The following RAI1 variants were observed in gnomAD, a reference collection of about 807,000 sequenced individuals.
The protein encoded by RAI1 is retinoic acid-induced protein 1.
Under a neutral mutation model 123.8 loss-of-function variants are expected in RAI1, and 9 were observed. The observed-to-expected ratio is 0.07, with a 90% CI of 0.04 to 0.13. RAI1 has a LOEUF of 0.13. Ranked by LOEUF, RAI1 falls within the 10% of genes least tolerant of loss-of-function variation. The probability of loss-of-function intolerance (pLI) is 1.00; values close to 1 mark genes in which losing one functional copy is unlikely to be tolerated. For synonymous variants in RAI1, 1,231 were observed against 1,127.3 expected (o/e 1.09, Z -1.84); for missense variants, 2,256 against 2,545.8 (o/e 0.89, Z 2.45).
At chr17:17,785,572 G>A (rs1200016945) in intron 2 of RAI1, among the ~76,000 whole-genome samples, 2 of 152,322 alleles carry the variant, frequency 1.3e-5, no homozygotes, top group Admixed American at 6.5e-5. Context: ...GGACCCAGGA[G>A]AGTTGGGGTG....
At chr17:17,730,342 A>G (rs1916228779) in intron 2 of RAI1, among the ~76,000 whole-genome samples, 1 of 152,236 alleles carries the variant, frequency 6.6e-6, no homozygotes, top group African/African-American at 2.4e-5. Flanking sequence ...TCATGTTTGC[A>G]TAATGCAGAG....
At chr17:17,779,216 AGTGGCTGGCTG>A (rs1305990909) in intron 2 of RAI1, 2 of 325,680 alleles carry the variant, frequency 6.1e-6, no homozygotes, top group Non-Finnish European at 6.0e-6. Flanking sequence ...CCTCTGGAGC[AGTGGCTGGCTG>A]GTGGCTGGCT....
At position 17,796,089 on chromosome 17, in the gene RAI1, G is replaced by T; in HGVS notation, c.3141G>T (p.Gly1047=). 6.3e-7 allele frequency: 1 copy of T among 1,580,728 alleles called. No individual in the cohort carries two copies. The highest frequency in any genetic ancestry group is 8.6e-7 in the Non-Finnish European group (1 of 1,163,580). Residue 1047 remains glycine (G), a synonymous_variant, in exon 3 of 6, where the codon GGG becomes GGT. Transcript: ENST00000353383. This position sits in a 1 kb window ranked among gnomAD's most constrained non-coding sequence, Gnocchi z 5.8. ...AAGGGGCTGGAGCCCCAGGCCGGGG[G>T]GCCTCGGAAGGGCTCCCCAGGATGT... ...QMEGAGAPGR[G]ASEGLPRMCT... is the part of the protein sequence containing the mutation.
Position 17,716,288 on chromosome 17 carries a change from G to A in RAI1, c.-148-7740G>A, listed in dbSNP as rs191141460. On this transcript the variant is annotated intron_variant, in intron 1 of 5. Coordinates refer to ENST00000353383, the MANE Select transcript of RAI1 (RefSeq NM_030665.4). The stretch of plus-strand genomic sequence containing the variant: ...AGATACCCATGAGCCCTGGGGCCAG[G>A]GAACAAAAGATGTGTGAAGGCAGGT... Among the ~76,000 whole-genome samples the A allele has an allele frequency of 1.8e-3, 268 of 152,318 alleles. 2 individuals carry two copies. The highest frequency in any genetic ancestry group is 6.2e-3 in the African/African-American group (257 of 41,560).
chr17:17,681,803 G>C lies in RAI1; in HGVS notation c.-149+10G>C. 1 of 298,726 alleles carries C rather than the reference G, an allele frequency of 3.3e-6. No homozygotes were observed. The highest frequency in any genetic ancestry group is 6.2e-6 in the Non-Finnish European group (1 of 161,460). 18.5% of individuals were successfully genotyped at this position (298,726 alleles called of 1,614,324 possible). A position where few individuals can be genotyped will look rare whatever the true frequency, so the allele number is the denominator to read the frequency against. On this transcript the variant is annotated intron_variant, in intron 1 of 5. Transcript: ENST00000353383. Reference sequence around the variant, plus strand: ...GAGCGCGGGCGCCGAGGTGAGCAGCGAGCGCCGGGGCGCGGGGGGCGCAGT... The same window carrying C: ...GAGCGCGGGCGCCGAGGTGAGCAGCCAGCGCCGGGGCGCGGGGGGCGCAGT...
chr17:17,759,685 G>A (rs967386138), intron 2 of RAI1, among the ~76,000 whole-genome samples: 1 of 152,212 alleles, frequency 6.6e-6, no homozygotes, highest in Non-Finnish European at 1.5e-5. Context: ...AGCCAGAGGG[G>A]ACCCAGCTGA....
At chr17:17,808,554 C>G (rs1444063338) in intron 4 of RAI1, among the ~76,000 whole-genome samples, 1 of 151,840 alleles carries the variant, frequency 6.6e-6, no homozygotes, top group African/African-American at 2.4e-5. Context: ...CTCAAGTGAT[C>G]CTCCCGCCCC....
At chr17:17,699,188 G>GA in intron 1 of RAI1, among the ~76,000 whole-genome samples, 1 of 152,324 alleles carries the variant, frequency 6.6e-6, no homozygotes, top group East Asian at 1.9e-4. Flanking sequence ...CCTCTGAGTG[G>GA]AACTCAGGCA....
intron 1 of RAI1, among the ~76,000 whole-genome samples, chr17:17,697,960 C>T (rs1366654701): frequency 2.0e-5 from 3 of 152,174 alleles, no homozygotes; most frequent in Non-Finnish European, 4.4e-5. Context: ...TGGGGCATTG[C>T]GCACTGACTG....
intron 2 of RAI1, among the ~76,000 whole-genome samples, chr17:17,750,256 C>G (rs966808780): frequency 1.1e-4 from 16 of 152,266 alleles, no homozygotes; most frequent in African/African-American, 3.6e-4. Context: ...TCTCTCTAAT[C>G]AGCAGAGCCA....
chr17:17,792,120 C>G (rs991383573), intron 2 of RAI1, among the ~76,000 whole-genome samples: 15 of 152,190 alleles, frequency 9.9e-5, no homozygotes, highest in Admixed American at 8.5e-4. Flanking sequence ...CTCCCTCACT[C>G]TGGGCCACGT....
At chr17:17,696,854 G>A (rs986067926) in intron 1 of RAI1, among the ~76,000 whole-genome samples, 6 of 152,220 alleles carry the variant, frequency 3.9e-5, no homozygotes, top group East Asian at 1.9e-4. Flanking sequence ...ATCCTCATTC[G>A]GGGCCTCCTT....
rs1555563570 is a variant in RAI1, at chr17:17,783,075, G to GCC, written c.-16-9858_-16-9857insCC. 2.6e-5 allele frequency among the ~76,000 whole-genome samples: 4 copies of GCC among 152,254 alleles called. No individual in the cohort carries two copies. The East Asian group carries it at 5.8e-4, about 22-fold the overall frequency. On this transcript the variant is annotated intron_variant, in intron 2 of 5. Transcript: ENST00000353383. ...AGGGAGATGAATGATGGGGGCTGGT[G>GCC]GCAGCCCCCCGCGGTCCCCGCGCAG... is the stretch of plus-strand genomic sequence containing the variant.
At chr17:17,729,526 C>T (rs759670065) in intron 2 of RAI1, among the ~76,000 whole-genome samples, 9 of 152,200 alleles carry the variant, frequency 5.9e-5, no homozygotes, top group African/African-American at 2.2e-4. Context: ...CAAGTGAGAT[C>T]GCTGGCCACG....
chr17:17,749,230 C>T (rs906084967), intron 2 of RAI1, among the ~76,000 whole-genome samples: 3 of 152,230 alleles, frequency 2.0e-5, no homozygotes, highest in African/African-American at 2.4e-5. Flanking sequence ...CCAGTGCTTC[C>T]GCTGCCGCCT....
At chr17:17,687,947 T>G (rs965316763) in intron 1 of RAI1, among the ~76,000 whole-genome samples, 7 of 144,302 alleles carry the variant, frequency 4.9e-5, no homozygotes, top group East Asian at 2.0e-4. Context: ...CGAGAATCAC[T>G]TGAACCCAGG....
chr17:17,787,356 C>T (rs150575896), intron 2 of RAI1, among the ~76,000 whole-genome samples: 2 of 152,346 alleles, frequency 1.3e-5, no homozygotes, highest in East Asian at 1.9e-4. Context: ...TAACTGTCTG[C>T]GACCCAGCAA....
chr17:17,744,650 C>T (rs1310337645), intron 2 of RAI1, among the ~76,000 whole-genome samples: 2 of 151,742 alleles, frequency 1.3e-5, no homozygotes, highest in Non-Finnish European at 2.9e-5. Context: ...ATTAGCCGGG[C>T]GTGATGGTGC....
intron 1 of RAI1, among the ~76,000 whole-genome samples, chr17:17,694,862 G>C (rs1190094956): frequency 1.3e-5 from 2 of 151,918 alleles, no homozygotes; most frequent in Non-Finnish European, 2.9e-5. Flanking sequence ...GCCCCCTGGC[G>C]GATCCCGGGT....
Sources: gnomAD v4.1 joint callset for allele counts (sites outside exome capture counted in the v4.1 genomes callset) on GRCh38, gnomAD v4.1.1 for gene constraint, Gnocchi (gnomAD v3.1) non-coding constraint, MANE v1.5 for transcripts, NCBI Gene and HGNC (gene_info 2026-07-23, HGNC 2026-07-21) for gene names.